ABCG2: variants seen among roughly 807,000 people sequenced by gnomAD.
ABCG2 encodes the protein ATP binding cassette subfamily G member 2 (JR blood group).
A neutral mutation model predicts 73.5 loss-of-function variants in ABCG2; 80 were observed. The observed-to-expected ratio is 1.09, with a 90% confidence interval of 0.91 to 1.31. The LOEUF (loss-of-function observed/expected upper bound fraction) is 1.31. ABCG2 is among the 50% of genes most tolerant of loss of function. The pLI, the probability that ABCG2 is intolerant of heterozygous loss-of-function variation, is 0.00. For synonymous variants in ABCG2, 269 were observed against 282.4 expected (o/e 0.95, Z 0.48); for missense variants, 796 against 786.2 (o/e 1.01, Z -0.15).
chr4:88,161,013 A>C (rs1357222791), upstream of ABCG2, among the ~76,000 whole-genome samples: 3 of 148,754 alleles, frequency 2.0e-5, no homozygotes, highest in Non-Finnish European at 4.5e-5. Flanking sequence ...CTATCTCTAC[A>C]AAAAAAAAAT....
chr4:88,198,225 C>T (rs918268636), intron 1 of ABCG2, among the ~76,000 whole-genome samples: 5 of 151,694 alleles, frequency 3.3e-5, no homozygotes, highest in Non-Finnish European at 7.4e-5. Context: ...CCCAGCTACT[C>T]GGGAGGCTGA....
intron 1 of ABCG2, among the ~76,000 whole-genome samples, chr4:88,196,390 C>T (rs1728942269): frequency 6.6e-6 from 1 of 152,192 alleles, no homozygotes; most frequent in Non-Finnish European, 1.5e-5. Context: ...TCTTTAACCA[C>T]AATTACCAGA....
chr4:88,171,274 TAAA>T (rs11331423), intron 1 of ABCG2, among the ~76,000 whole-genome samples: 1 of 129,422 alleles, frequency 7.7e-6, no homozygotes, highest in Non-Finnish European at 1.6e-5. Context: ...AAGTAAAAGT[TAAA>T]AAAAAAAAAA....
chr4:88,106,394 C>T (rs1722772881), intron 10 of ABCG2, among the ~76,000 whole-genome samples: 1 of 151,948 alleles, frequency 6.6e-6, no homozygotes, highest in Non-Finnish European at 1.5e-5. Flanking sequence ...AATGGAAAAA[C>T]GAAATGTGGT....
intron 8 of ABCG2, 134 bp from the exon 9 acceptor site, chr4:88,113,687 G>C: frequency 8.4e-7 from 1 of 1,186,194 alleles, no homozygotes; most frequent in Non-Finnish European, 1.2e-6. Context: ...AATAGGCCAG[G>C]CACGGCGGCT....
At chr4:88,206,265 C>T (rs1407331485) in intron 1 of ABCG2, among the ~76,000 whole-genome samples, 1 of 152,020 alleles carries the variant, frequency 6.6e-6, no homozygotes, top group African/African-American at 2.4e-5. Flanking sequence ...CCAGCCTGGG[C>T]AATACAGAAA....
At chr4:88,224,226 G>T (rs1305578163) in intron 1 of ABCG2, among the ~76,000 whole-genome samples, 12 of 152,098 alleles carry the variant, frequency 7.9e-5, no homozygotes, top group Non-Finnish European at 1.5e-4. Context: ...AAGGCAGGTG[G>T]ATCACTTGAG....
chr4:88,197,475 G>C (rs1392628920), intron 1 of ABCG2, among the ~76,000 whole-genome samples: 2 of 151,854 alleles, frequency 1.3e-5, no homozygotes, highest in African/African-American at 4.8e-5. Context: ...AATTACCTGG[G>C]CATGGTGGCA....
At chr4:88,100,810 G>T (rs1030235340) in intron 11 of ABCG2, among the ~76,000 whole-genome samples, 5 of 152,030 alleles carry the variant, frequency 3.3e-5, no homozygotes, top group Admixed American at 3.3e-4. Flanking sequence ...CCAAGTTGCT[G>T]CTTAATCTCT....
At chr4:88,146,160 C>T (rs2110065007) in intron 1 of ABCG2, among the ~76,000 whole-genome samples, 1 of 152,192 alleles carries the variant, frequency 6.6e-6, no homozygotes, top group East Asian at 1.9e-4. Flanking sequence ...ACCTGCCCAC[C>T]CTCCTTGGGT....
intron 1 of ABCG2, among the ~76,000 whole-genome samples, chr4:88,187,978 T>C (rs1728532942): frequency 2.0e-5 from 3 of 152,234 alleles, no homozygotes; most frequent in Admixed American, 2.0e-4. Flanking sequence ...GGGATTGCTA[T>C]TGGCATGTGT....
Position 88,144,287 on chromosome 4 carries a change from T to C in ABCG2, c.-19-4273A>G, listed in dbSNP as rs73844307. Among the ~76,000 whole-genome samples the C allele has an allele frequency of 4.9e-3, 742 of 152,256 alleles. 6 individuals carry two copies. The highest frequency in any genetic ancestry group is 0.017 in the African/African-American group (691 of 41,546). ...GCCGATTCATGTTATTTGGCCTGAT[T>C]ATGTATCTTAGCCAACTCAAAAAGC... On this transcript the variant is annotated intron_variant, in intron 1 of 15. Coordinates refer to ENST00000237612, the MANE Select transcript of ABCG2 (RefSeq NM_004827.3).
intron 7 of ABCG2, among the ~76,000 whole-genome samples, chr4:88,117,458 C>A (rs1011455896): frequency 6.6e-5 from 10 of 152,072 alleles, no homozygotes; most frequent in Non-Finnish European, 1.2e-4. Context: ...CAGGGTGAAA[C>A]CCTGTCTCTA....
intron 1 of ABCG2, chr4:88,226,704 A>G (rs910295493): frequency 1.3e-5 from 2 of 152,400 alleles, no homozygotes; most frequent in African/African-American, 4.8e-5. Flanking sequence ...TGGCATGATA[A>G]TCTATTATTC....
chr4:88,147,482 T>C (rs1188505068), intron 1 of ABCG2, among the ~76,000 whole-genome samples: 1 of 152,244 alleles, frequency 6.6e-6, no homozygotes, highest in African/African-American at 2.4e-5. Flanking sequence ...AAGTATTTCC[T>C]TTAGAATTCC....
At chr4:88,131,726 C>T in intron 4 of ABCG2, 77 bp downstream of exon 4, 2 of 993,354 alleles carry the variant, frequency 2.0e-6, no homozygotes, top group South Asian at 1.4e-5. Flanking sequence ...CAACTGGAAG[C>T]ACATTGAACT....
chr4:88,115,232 G>GTCTC (rs201460174), intron 7 of ABCG2, among the ~76,000 whole-genome samples, 174 bp from the exon 8 acceptor site: 2 of 28,968 alleles, frequency 6.9e-5, no homozygotes, highest in African/African-American at 2.8e-4. Context: ...TATATATTCA[G>GTCTC]TCTCTCTCTC....
intron 10 of ABCG2, among the ~76,000 whole-genome samples, chr4:88,106,068 A>C (rs1300239610): frequency 6.6e-6 from 1 of 152,246 alleles, no homozygotes; most frequent in Admixed American, 6.5e-5. Context: ...CAGAATTACT[A>C]TATGACCCAG....
chr4:88,159,009 C>T (rs1283470452), upstream of ABCG2: 2 of 367,962 alleles, frequency 5.4e-6, no homozygotes. Context: ...CGCCCTGCGA[C>T]CCGGCTGAAA....
Sources: gnomAD v4.1 joint callset for allele counts (sites outside exome capture counted in the v4.1 genomes callset) on GRCh38, gnomAD v4.1.1 for gene constraint, MANE v1.5 for transcripts, NCBI Gene and HGNC (gene_info 2026-07-23, HGNC 2026-07-21) for gene names.